The following APP variants were observed in gnomAD, a reference collection of about 807,000 sequenced individuals.
APP encodes amyloid beta precursor protein, also known as amyloid-beta precursor protein.
A neutral mutation model predicts 101.4 loss-of-function variants in APP; 31 were observed. The ratio of observed to expected loss-of-function variants is 0.31; its 90% CI spans 0.23 to 0.41. The LOEUF is 0.41. Ranked by LOEUF, APP falls within the 10% of genes least tolerant of loss-of-function variation. APP has a pLI of 1.00. For missense variants in APP, 839 were observed against 1,003.7 expected, an observed-to-expected ratio of 0.84 and a Z score of 2.22; for synonymous variants, 366 against 364.4, an observed-to-expected ratio of 1.00 and a Z score of -0.05.
At chr21:26,004,395 C>G (rs2043428233) in intron 6 of APP, among the ~76,000 whole-genome samples, 1 of 151,462 alleles carries the variant, frequency 6.6e-6, no homozygotes, top group South Asian at 2.1e-4. Flanking sequence ...CAGGTTCACG[C>G]CATTCTCCTG....
At chr21:26,088,886 T>A (rs1180488181) in intron 3 of APP, among the ~76,000 whole-genome samples, 2 of 152,234 alleles carry the variant, frequency 1.3e-5, no homozygotes, top group African/African-American at 4.8e-5. Context: ...AGGTGAAATC[T>A]TCTTTCTAAT....
chr21:26,068,137 G>A (rs893531574), intron 3 of APP: 6 of 152,214 alleles, frequency 3.9e-5, no homozygotes, highest in Non-Finnish European at 7.3e-5. Flanking sequence ...TACTCAGAAA[G>A]CCATGTGCGA....
At chr21:26,062,409 T>C (rs1164533990) in intron 3 of APP, among the ~76,000 whole-genome samples, 2 of 151,770 alleles carry the variant, frequency 1.3e-5, no homozygotes, top group African/African-American at 2.4e-5. Flanking sequence ...ACACCTATAA[T>C]CCCAGCAATT....
rs2042050118 is a variant in APP at position 25,972,032 on chromosome 21, C to T, written c.1458+3038G>A. On this transcript the variant is annotated intron_variant, in intron 11 of 17. Transcript: ENST00000346798. ...CATAAAATGATACAGGGAAATGCCA[C>T]ATGTAATAATAAGCAATCAAAATTG... Among the ~76,000 whole-genome samples the T allele has an allele frequency of 2.0e-5, 3 of 152,180 alleles. No individual in the cohort carries two copies. The South Asian group carries it at 6.2e-4, about 31-fold the overall frequency.
upstream of APP, chr21:26,171,059 C>G (rs2063735899): frequency 6.4e-6 from 1 of 156,994 alleles, no homozygotes; most frequent in Non-Finnish European, 1.4e-5. Flanking sequence ...AAAGGTGAGT[C>G]CTAGGACGCT....
intron 13 of APP, among the ~76,000 whole-genome samples, chr21:25,952,639 GTCA>G (rs2041139514): frequency 6.6e-6 from 1 of 152,046 alleles, no homozygotes; most frequent in African/African-American, 2.4e-5. Context: ...TGGAATATTG[GTCA>G]TCAACTTTTT....
At chr21:25,978,834 C>A (rs1297338782) in intron 9 of APP, among the ~76,000 whole-genome samples, 1 of 152,128 alleles carries the variant, frequency 6.6e-6, no homozygotes, top group Non-Finnish European at 1.5e-5. Context: ...TGCCTGTAAT[C>A]CCAGTTACTG....
intron 13 of APP, among the ~76,000 whole-genome samples, chr21:25,953,171 G>C (rs2041166945): frequency 6.6e-6 from 1 of 152,142 alleles, no homozygotes; most frequent in South Asian, 2.1e-4. Flanking sequence ...GGCCTCAGGT[G>C]ATCTGCTCAC....
chr21:25,983,395 T>G (rs982758770), intron 8 of APP, among the ~76,000 whole-genome samples: 2 of 152,252 alleles, frequency 1.3e-5, no homozygotes, highest in Admixed American at 6.5e-5. Context: ...AAAAGGTTAT[T>G]CAAATATCAC....
intron 11 of APP, among the ~76,000 whole-genome samples, chr21:25,974,394 GA>G (rs936266332): frequency 6.6e-5 from 10 of 152,262 alleles, no homozygotes; most frequent in African/African-American, 2.4e-4. Flanking sequence ...GATGCTATTT[GA>G]GGGTGAAAGC....
At chr21:25,996,073 T>C (rs1208813545) in intron 8 of APP, among the ~76,000 whole-genome samples, 1 of 152,142 alleles carries the variant, frequency 6.6e-6, no homozygotes, top group Admixed American at 6.6e-5. Flanking sequence ...TAACACTGGA[T>C]AAATCTATTT....
At chr21:25,909,792 T>C (rs1601370611) in intron 14 of APP, among the ~76,000 whole-genome samples, 1 of 152,328 alleles carries the variant, frequency 6.6e-6, no homozygotes, top group Middle Eastern at 3.4e-3. Context: ...CAAAACAATC[T>C]GCACTCAATA....
rs530887810 is a variant in APP, at chr21:26,055,694, T to C, written c.356-2346A>G. The stretch of plus-strand genomic sequence containing the variant: ...AGCTCTGCTCAGTCATATTTGCAAA[T>C]GTCCAAACTAAGAAGTGATGCTTTT... On this transcript the variant is annotated intron_variant, in intron 3 of 17. Transcript: ENST00000346798. Among the ~76,000 whole-genome samples, 6 of 152,270 alleles carry C rather than the reference T, an allele frequency of 3.9e-5. No homozygotes were observed. In the East Asian group the frequency reaches 1.2e-3, roughly 29 times the overall value.
intron 14 of APP, 97 bp from the exon 15 acceptor site, chr21:25,905,174 T>C (rs2038725937): frequency 9.8e-7 from 1 of 1,016,562 alleles, no homozygotes. Flanking sequence ...AAAAAGCATA[T>C]GCAATAAACA....
chr21:26,122,886 G>C (rs2062605885), intron 1 of APP, among the ~76,000 whole-genome samples: 1 of 152,068 alleles, frequency 6.6e-6, no homozygotes, highest in African/African-American at 2.4e-5. Context: ...ACTGAAACAG[G>C]AATTCGGATA....
At chr21:26,001,897 A>C (rs2043313546) in intron 6 of APP, among the ~76,000 whole-genome samples, 1 of 4,870 alleles carries the variant, frequency 2.1e-4, no homozygotes. Context: ...TCTGTCAGTA[A>C]CTCAGAGGGG....
intron 17 of APP, among the ~76,000 whole-genome samples, chr21:25,886,411 T>C (rs1184890390): frequency 6.6e-6 from 1 of 152,088 alleles, no homozygotes; most frequent in Non-Finnish European, 1.5e-5. Flanking sequence ...TTTTTTTTTT[T>C]TTAAGACAGT....
At chr21:25,995,083 G>C (rs894592047) in intron 8 of APP, among the ~76,000 whole-genome samples, 4 of 151,652 alleles carry the variant, frequency 2.6e-5, no homozygotes, top group East Asian at 2.0e-4. Flanking sequence ...AATTACAAAA[G>C]AGACTTTCAG....
chr21:26,028,755 A>G (rs2044692546), intron 5 of APP, among the ~76,000 whole-genome samples: 1 of 152,200 alleles, frequency 6.6e-6, no homozygotes, highest in Non-Finnish European at 1.5e-5. Context: ...ACCAAGTGCC[A>G]GTACTATTCC....
Sources: gnomAD v4.1 joint callset for allele counts (sites outside exome capture counted in the v4.1 genomes callset) on GRCh38, gnomAD v4.1.1 for gene constraint, MANE v1.5 for transcripts, NCBI Gene and HGNC (gene_info 2026-07-23, HGNC 2026-07-21) for gene names.